Variants in COL24A1 observed in about 807,000 individuals in gnomAD.
COL24A1 encodes the protein collagen alpha-1(XXIV) chain.
In COL24A1, 224 loss-of-function variants were observed where a neutral mutation model predicts 253.9. The observed-to-expected ratio is 0.88, with a 90% CI of 0.79 to 0.99. The LOEUF is 0.99. Ranked by LOEUF, COL24A1 falls within the 50% of genes least tolerant of loss-of-function variation. The pLI, the probability that COL24A1 is intolerant of heterozygous loss-of-function variation, is 0.00. For missense variants in COL24A1, 2,131 were observed against 2,068.5 expected (o/e 1.03, Z -0.59); for synonymous variants, 685 against 673.7 (o/e 1.02, Z -0.26).
chr1:86,088,124 C>T (rs1376048234), intron 7 of COL24A1, among the ~76,000 whole-genome samples: 1 of 152,184 alleles, frequency 6.6e-6, no homozygotes, highest in Admixed American at 6.5e-5. Flanking sequence ...ATTCTGTCTT[C>T]TCCCAAACTC....
At chr1:85,745,369 C>T (rs1665100757) in intron 56 of COL24A1, 72 bp downstream of exon 56, 1 of 1,038,818 alleles carries the variant, frequency 9.6e-7, no homozygotes. Context: ...ACATTTTGGC[C>T]TCCAAAAATT....
intron 47 of COL24A1, among the ~76,000 whole-genome samples, chr1:85,803,204 C>T (rs536709117): frequency 6.6e-6 from 1 of 152,136 alleles, no homozygotes; most frequent in African/African-American, 2.4e-5. Flanking sequence ...AATCCCAGCA[C>T]TTTGGGAGGC....
At chr1:86,048,175 CAT>C (rs954908535) in intron 11 of COL24A1, among the ~76,000 whole-genome samples, 8 of 151,536 alleles carry the variant, frequency 5.3e-5, no homozygotes, top group African/African-American at 1.9e-4. Context: ...AAGCATTTTT[CAT>C]ATATATACAT....
At chr1:85,760,142 G>A (rs1157545546) in intron 55 of COL24A1, among the ~76,000 whole-genome samples, 2 of 151,612 alleles carry the variant, frequency 1.3e-5, no homozygotes, top group East Asian at 1.9e-4. Flanking sequence ...GCATGATCTC[G>A]GCTCACTGCA....
rs1478894500 is a variant in COL24A1, at chr1:86,113,976, T to C, written c.1545+1349A>G. 2.0e-5 allele frequency among the ~76,000 whole-genome samples: 3 copies of C among 152,004 alleles called. No homozygotes were observed. The South Asian group carries it at 6.2e-4, about 32-fold the overall frequency. On this transcript the variant is annotated intron_variant, in intron 4 of 59. Coordinates refer to ENST00000370571, the MANE Select transcript of COL24A1 (RefSeq NM_152890.7). ...TGGGGATTAATGAATAAGTTGCTGA[T>C]GTAAAAGTAAGGACAATGGAATATA...
At chr1:85,967,061 C>T (rs1388293079) in intron 22 of COL24A1, among the ~76,000 whole-genome samples, 1 of 152,202 alleles carries the variant, frequency 6.6e-6, no homozygotes, top group East Asian at 1.9e-4. Context: ...GTCAAAAGGA[C>T]AGGGTATGTA....
intron 47 of COL24A1, among the ~76,000 whole-genome samples, chr1:85,794,864 G>C (rs907880264): frequency 6.6e-6 from 1 of 152,034 alleles, no homozygotes; most frequent in African/African-American, 2.4e-5. Context: ...ACATGGTGTC[G>C]CATGACCAGA....
intron 51 of COL24A1, 44 bp downstream of exon 51, chr1:85,783,452 C>A: frequency 6.4e-7 from 1 of 1,565,508 alleles, no homozygotes; most frequent in Non-Finnish European, 8.8e-7. Context: ...CTGCAGTAAG[C>A]AAAGAACCAC....
intron 19 of COL24A1, among the ~76,000 whole-genome samples, chr1:85,998,260 A>G (rs1008423682): frequency 1.3e-5 from 2 of 152,034 alleles, no homozygotes; most frequent in Admixed American, 6.5e-5. Context: ...ATAAATCCCT[A>G]CTATTTCTTC....
At chr1:86,013,770 A>C (rs183624727) in intron 19 of COL24A1, among the ~76,000 whole-genome samples, 1 of 152,328 alleles carries the variant, frequency 6.6e-6, no homozygotes, top group East Asian at 1.9e-4. Flanking sequence ...TGGGAGGCAG[A>C]GGTTGCAATG....
chr1:85,773,763 AT>A (rs1668234982), intron 53 of COL24A1, among the ~76,000 whole-genome samples: 1 of 152,104 alleles, frequency 6.6e-6, no homozygotes, highest in Non-Finnish European at 1.5e-5. Context: ...GCTTAAGGAG[AT>A]TTGGGGCTGA....
chr1:86,086,348 A>G (rs1353868913), intron 7 of COL24A1, among the ~76,000 whole-genome samples: 1 of 152,094 alleles, frequency 6.6e-6, no homozygotes, highest in Non-Finnish European at 1.5e-5. Context: ...CTGACCTACC[A>G]TGTGCATGCA....
chr1:85,745,469 A>G lies in COL24A1; in HGVS notation c.4475T>C (p.Ile1492Thr), dbSNP rs1354828344. The G allele has an allele frequency of 3.7e-6, 6 of 1,610,758 alleles. No homozygotes were observed. The highest frequency in any genetic ancestry group is 1.1e-5 in the South Asian group (1 of 90,536). The change falls in exon 56 of 60, where the codon ATT becomes ACT. Residue 1492 changes from isoleucine (I) to threonine (T), a missense_variant. Transcript: ENST00000370571. ...MDINAAIQAL[I>T]ESNTALQMES... ...CATCTGTAGGGCAGTATTTGATTCA[A>G]TCAAGGCTTGAATAGCAGCATTGAT...
At chr1:86,147,923 G>T (rs1652134262) in intron 1 of COL24A1, among the ~76,000 whole-genome samples, 1 of 152,168 alleles carries the variant, frequency 6.6e-6, no homozygotes, top group Non-Finnish European at 1.5e-5. Flanking sequence ...AGTGTGATCA[G>T]AATCGCATGA....
At chr1:86,025,081 T>G (rs1400530296) in intron 14 of COL24A1, among the ~76,000 whole-genome samples, 1 of 152,130 alleles carries the variant, frequency 6.6e-6, no homozygotes, top group African/African-American at 2.4e-5. Flanking sequence ...TACTATGGAA[T>G]TGAAATTTCC....
chr1:86,026,885 A>T (rs1698082885), intron 14 of COL24A1, among the ~76,000 whole-genome samples: 2 of 152,158 alleles, frequency 1.3e-5, no homozygotes, highest in African/African-American at 4.8e-5. Flanking sequence ...TTGGACAATG[A>T]AGTCCAAGCT....
chr1:85,803,453 CAAACAAAACA>C (rs570227421), intron 47 of COL24A1, among the ~76,000 whole-genome samples: 2 of 147,098 alleles, frequency 1.4e-5, no homozygotes, highest in Non-Finnish European at 3.0e-5. Context: ...AAACCATAAA[CAAACAAAACA>C]AAACAAAACA....
At position 86,124,076 on chromosome 1, in the gene COL24A1, T is replaced by G. The variant is rs967374717; in HGVS notation, c.1491+769A>C. 5.9e-5 allele frequency among the ~76,000 whole-genome samples: 9 copies of G among 152,024 alleles called. No homozygotes were observed. The South Asian group carries it at 8.3e-4, about 14-fold the overall frequency. On this transcript the variant is annotated intron_variant, in intron 3 of 59. Coordinates refer to ENST00000370571, the MANE Select transcript of COL24A1 (RefSeq NM_152890.7). ...ATATTTCCAACACTGTGATTTTAAA[T>G]GACTTTAAGTGGTTTTTAAATGATT...
At chr1:85,914,208 G>T (rs993497308) in intron 24 of COL24A1, among the ~76,000 whole-genome samples, 3 of 152,046 alleles carry the variant, frequency 2.0e-5, no homozygotes, top group Admixed American at 2.0e-4. Context: ...ATGGGTAGCG[G>T]AGAAGGTAGT....
Sources: gnomAD v4.1 joint callset for allele counts (sites outside exome capture counted in the v4.1 genomes callset) on GRCh38, gnomAD v4.1.1 for gene constraint, MANE v1.5 for transcripts, NCBI Gene and HGNC (gene_info 2026-07-23, HGNC 2026-07-21) for gene names.